Variants in AIFM1 observed in about 807,000 individuals in gnomAD.
AIFM1 encodes the protein apoptosis-inducing factor 1, mitochondrial.
Under a neutral mutation model 51.7 loss-of-function variants are expected in AIFM1, and 3 were observed. The observed-to-expected ratio is 0.06, with a 90% CI of 0.03 to 0.15. The LOEUF (loss-of-function observed/expected upper bound fraction) is 0.15. Ranked by LOEUF, AIFM1 falls within the 10% of genes least tolerant of loss-of-function variation. The pLI is 1.00. For missense variants in AIFM1, 330 were observed against 476.8 expected (o/e 0.69, Z 2.87); for synonymous variants, 178 against 179.4 (o/e 0.99, Z 0.06).
chrX:130,165,708 CCGACGGGTCAAA>C lies in AIFM1; in HGVS notation c.-64_-53del, dbSNP rs752192654. The C allele has an allele frequency of 1.9e-5, 20 of 1,044,341 alleles. No homozygotes were observed. Among genetic ancestry groups the C allele is most frequent in the Non-Finnish European group, 1.7e-5 (13 of 760,236 alleles). 86.1% of individuals were successfully genotyped at this position (1,044,341 alleles called of 1,213,427 possible). On this transcript the variant is annotated 5_prime_UTR_variant, in exon 1 of 16. Transcript: ENST00000287295. Reference sequence around the variant, plus strand: ...TCCTTCCCTTTCCTCTCACGCACGACCGACGGGTCAAACACCGTGAGCCCCGGCCAGCTCCCC... The same window carrying C: ...TCCTTCCCTTTCCTCTCACGCACGACCACCGTGAGCCCCGGCCAGCTCCCC...
At position 130,149,573 on chromosome X, in the gene AIFM1, G is replaced by C. The variant is rs200899184; in HGVS notation, c.250-5C>G. On this transcript the variant is annotated splice_polypyrimidine_tract_variant and splice_region_variant and intron_variant, in intron 2 of 15. Coordinates refer to ENST00000287295, the MANE Select transcript of AIFM1 (RefSeq NM_004208.4). ...CTCTTTCATAGTCTTGTAGGCCTGC[G>C]GATCCAAACATGGAGAAAGTTTATT... 4.3e-6 allele frequency: 5 copies of C among 1,164,703 alleles called. No individual in the cohort carries two copies.
intron 6 of AIFM1, among the ~76,000 whole-genome samples, 164 bp downstream of exon 6, chrX:130,145,315 C>T (rs535006965): frequency 9.0e-6 from 1 of 111,600 alleles, no homozygotes; most frequent in South Asian, 3.8e-4. Flanking sequence ...TAGTGCTTTC[C>T]CCAGAAAGAC....
At chrX:130,145,382 G>C (rs184813307) in intron 6 of AIFM1, 97 bp downstream of exon 6, 1 of 665,599 alleles carries the variant, frequency 1.5e-6, no homozygotes, top group African/African-American at 2.2e-5. Context: ...AACTACAATG[G>C]CAGGACAGAC....
intron 9 of AIFM1, chrX:130,137,810 C>G (rs1374687636): frequency 1.1e-6 from 1 of 895,255 alleles, no homozygotes; most frequent in Admixed American, 5.7e-5. Flanking sequence ...CACCTATAAT[C>G]CCAGCACTTT....
At chrX:130,163,999 C>CAA (rs34391937) in intron 1 of AIFM1, among the ~76,000 whole-genome samples, 111 of 74,540 alleles carry the variant, frequency 1.5e-3, no homozygotes, top group African/African-American at 5.1e-3. Context: ...ACTAAAAATA[C>CAA]AAAAAAAAAA....
chrX:130,129,457 C>T lies in AIFM1; in HGVS notation c.*100G>A. 1 of 663,651 alleles carries T rather than the reference C, an allele frequency of 1.5e-6. No individual in the cohort carries two copies. Among genetic ancestry groups the T allele is most frequent in the Non-Finnish European group, 2.5e-6 (1 of 396,167 alleles). 54.7% of individuals were successfully genotyped at this position (663,651 alleles called of 1,213,427 possible). On this transcript the variant is annotated 3_prime_UTR_variant, in exon 16 of 16. Transcript: ENST00000287295. ...TTCACAAAGGACTTGATCATTCACACTCATACACAGAGAAAGTCTGCTGAA... is the reference window on the plus strand; with the variant it reads ...TTCACAAAGGACTTGATCATTCACATTCATACACAGAGAAAGTCTGCTGAA...
At chrX:130,145,155 T>C (rs368500279) in intron 6 of AIFM1, among the ~76,000 whole-genome samples, 2 of 112,370 alleles carry the variant, frequency 1.8e-5, no homozygotes, top group East Asian at 2.8e-4. Flanking sequence ...CTATGAGTAA[T>C]ACATATTTGT....
At chrX:130,132,057 A>G (rs2030109493) in intron 13 of AIFM1, among the ~76,000 whole-genome samples, 1 of 111,314 alleles carries the variant, frequency 9.0e-6, no homozygotes, top group African/African-American at 3.3e-5. Context: ...TTTTTAGTAG[A>G]GACGGGGTTT....
intron 14 of AIFM1, 136 bp from the exon 15 acceptor site, chrX:130,130,302 GC>G: frequency 1.4e-6 from 1 of 712,935 alleles, no homozygotes. Context: ...ATTTCTCTAT[GC>G]CCCCTCAGTA....
At chrX:130,155,946 TACTA>T (rs1237855770) in intron 2 of AIFM1, among the ~76,000 whole-genome samples, 2 of 112,536 alleles carry the variant, frequency 1.8e-5, no homozygotes, top group Non-Finnish European at 3.8e-5. Flanking sequence ...AAATCAGTGA[TACTA>T]GCCCTGTTTC....
chrX:130,132,800 G>A (rs2030155264), intron 13 of AIFM1, among the ~76,000 whole-genome samples: 1 of 103,409 alleles, frequency 9.7e-6, no homozygotes, highest in Non-Finnish European at 2.0e-5. Flanking sequence ...AGGCCGGAGT[G>A]CAGTGGTGTG....
intron 14 of AIFM1, among the ~76,000 whole-genome samples, chrX:130,131,302 AAAT>A (rs1488227075): frequency 2.7e-5 from 3 of 112,273 alleles, no homozygotes; most frequent in Non-Finnish European, 3.8e-5. Context: ...GCCTGAAGCA[AAAT>A]AATAAAAATG....
intron 2 of AIFM1, among the ~76,000 whole-genome samples, chrX:130,154,741 C>T (rs991963667): frequency 8.9e-6 from 1 of 112,446 alleles, no homozygotes; most frequent in Non-Finnish European, 1.9e-5. Context: ...CCACAAAACA[C>T]AAACATTACA....
intron 1 of AIFM1, among the ~76,000 whole-genome samples, chrX:130,161,649 C>G (rs1190836462): frequency 9.8e-6 from 1 of 101,989 alleles, no homozygotes; most frequent in Non-Finnish European, 2.0e-5. Context: ...GCTCTGTCGT[C>G]CAGGCTGGAG....
intron 6 of AIFM1, among the ~76,000 whole-genome samples, chrX:130,143,358 T>C (rs2030644288): frequency 8.9e-6 from 1 of 112,110 alleles, no homozygotes; most frequent in African/African-American, 3.2e-5. Context: ...CCCCTTAAAC[T>C]AGCTCTTCCT....
chrX:130,140,624 C>T lies in AIFM1; in HGVS notation c.697-7G>A. On this transcript the variant is annotated splice_region_variant and splice_polypyrimidine_tract_variant and intron_variant, in intron 6 of 15. Coordinates refer to ENST00000287295, the MANE Select transcript of AIFM1 (RefSeq NM_004208.4). ...TCACATCCAGCTGTACTACCTGGTA[C>T]AGTCACACACATACACAAAAGAGGT... 3.4e-6 allele frequency: 4 copies of T among 1,167,538 alleles called. No individual in the cohort carries two copies. The highest frequency in any genetic ancestry group is 1.8e-5 in the South Asian group (1 of 56,045).
chrX:130,152,913 G>GT (rs761969617), intron 2 of AIFM1, among the ~76,000 whole-genome samples: 163 of 112,007 alleles, frequency 1.5e-3, no homozygotes, highest in Non-Finnish European at 2.7e-3. Context: ...AGAAGCTAGA[G>GT]TAAGTGTATG....
intron 11 of AIFM1, 76 bp from the exon 12 acceptor site, chrX:130,136,261 A>T (rs2030333087): frequency 3.0e-5 from 33 of 1,105,683 alleles, no homozygotes; most frequent in Non-Finnish European, 3.9e-5. Context: ...ATGGCCCTTC[A>T]TGCCATTAAG....
At chrX:130,148,852 A>G (rs1347587348) in intron 3 of AIFM1, among the ~76,000 whole-genome samples, 1 of 106,826 alleles carries the variant, frequency 9.4e-6, no homozygotes, top group Non-Finnish European at 1.9e-5. Context: ...AAAAAAAAAA[A>G]AAAAAAAGGT....
Sources: gnomAD v4.1 joint callset for allele counts (sites outside exome capture counted in the v4.1 genomes callset) on GRCh38, gnomAD v4.1.1 for gene constraint, MANE v1.5 for transcripts, NCBI Gene and HGNC (gene_info 2026-07-23, HGNC 2026-07-21) for gene names.